Variants in CCNI observed in about 807,000 individuals in gnomAD.
CCNI encodes the protein cyclin I.
In CCNI, 14 loss-of-function variants were observed where a neutral mutation model predicts 34.1. That is an observed-to-expected ratio of 0.41 (90% CI 0.27 to 0.64). The LOEUF (loss-of-function observed/expected upper bound fraction) is 0.64, where lower values mean the gene tolerates loss of function less well. Ranked by LOEUF, CCNI falls within the 30% of genes least tolerant of loss-of-function variation. The pLI, the probability that CCNI is intolerant of heterozygous loss-of-function variation, is 0.31. For synonymous variants in CCNI, 154 were observed against 158.4 expected (o/e 0.97, Z 0.21); for missense variants, 385 against 440.5 (o/e 0.87, Z 1.13).
chr4:77,064,313 T>C (rs905978419), intron 2 of CCNI, among the ~76,000 whole-genome samples: 1 of 151,860 alleles, frequency 6.6e-6, no homozygotes, highest in African/African-American at 2.4e-5. Flanking sequence ...AGGTAGAATA[T>C]CACCTTCAAA....
At chr4:77,060,762 T>C (rs1419827678) in intron 2 of CCNI, among the ~76,000 whole-genome samples, 2 of 152,100 alleles carry the variant, frequency 1.3e-5, no homozygotes, top group Non-Finnish European at 2.9e-5. Flanking sequence ...GTAGCTGGGA[T>C]TACAGGCTTG....
intron 3 of CCNI, 50 bp from the exon 4 acceptor site, chr4:77,056,373 A>G (rs4252896): frequency 0.039 from 55,148 of 1,397,694 alleles, 3,781 homozygotes; most frequent in African/African-American, 0.3. Flanking sequence ...TTCAAAAACA[A>G]TTTAACTTTT....
At chr4:77,052,279 G>A (rs1007797367) in intron 6 of CCNI, among the ~76,000 whole-genome samples, 4 of 152,094 alleles carry the variant, frequency 2.6e-5, no homozygotes, top group Non-Finnish European at 5.9e-5. Context: ...CCATGTTGCT[G>A]CAAAGGACAT....
intron 1 of CCNI, among the ~76,000 whole-genome samples, chr4:77,067,773 G>A (rs567702983): frequency 4.8e-5 from 6 of 125,920 alleles, no homozygotes; most frequent in South Asian, 5.4e-4. Flanking sequence ...GTGAGCCACC[G>A]TGCAGGCTTC....
Position 77,062,203 on chromosome 4 carries a change from T to C in CCNI, c.115-3568A>G, listed in dbSNP as rs535658390. Among the ~76,000 whole-genome samples, 3 of 152,296 alleles carry C rather than the reference T, an allele frequency of 2.0e-5. No individual in the cohort carries two copies. In the South Asian group the frequency reaches 6.2e-4, roughly 32 times the overall value. ...CCCCGCCAGATACTTTTCCTGATAA[T>C]TCAAGTTGGGCTGAGTACCTTCCTA... On this transcript the variant is annotated intron_variant, in intron 2 of 6. Coordinates refer to ENST00000237654, the MANE Select transcript of CCNI (RefSeq NM_006835.3).
chr4:77,073,619 A>C (rs1560788189), intron 1 of CCNI, among the ~76,000 whole-genome samples: 1 of 152,308 alleles, frequency 6.6e-6, no homozygotes, highest in South Asian at 2.1e-4. Context: ...GCTCTTTCCC[A>C]ATCTCCCTGG....
intron 1 of CCNI, among the ~76,000 whole-genome samples, chr4:77,069,005 G>A (rs1175943498): frequency 2.0e-5 from 3 of 152,142 alleles, no homozygotes; most frequent in Admixed American, 2.0e-4. Flanking sequence ...GGGGTAAATA[G>A]AGAGGAAAAA....
At chr4:77,069,852 C>T (rs1377795240) in intron 1 of CCNI, among the ~76,000 whole-genome samples, 1 of 151,818 alleles carries the variant, frequency 6.6e-6, no homozygotes, top group African/African-American at 2.4e-5. Flanking sequence ...CTTTAACCTA[C>T]CAAAATCTAA....
At position 77,055,954 on chromosome 4, in the gene CCNI, A is replaced by G; in HGVS notation, c.459+8T>C. On this transcript the variant is annotated splice_region_variant and intron_variant, in intron 5 of 6. Coordinates refer to ENST00000237654, the MANE Select transcript of CCNI (RefSeq NM_006835.3). ...AATAAGAAACTAAAAGACTTCAGGT[A>G]TATTTACAATATGAAGAAAATCCAA... 6.2e-7 allele frequency: 1 copy of G among 1,602,916 alleles called. No homozygotes were observed. The highest frequency in any genetic ancestry group is 1.1e-5 in the South Asian group (1 of 89,082).
chr4:77,057,044 A>G (rs980122278), intron 3 of CCNI, among the ~76,000 whole-genome samples: 8 of 152,240 alleles, frequency 5.3e-5, no homozygotes, highest in Non-Finnish European at 5.9e-5. Flanking sequence ...TTAATAAATA[A>G]TATTCCCAAA....
In CCNI at chr4:77,056,331, TTTGAAG is replaced by T; in HGVS notation, c.244-14_244-9del. 1.9e-6 allele frequency: 3 copies of T among 1,606,236 alleles called. No homozygotes were observed. The African/African-American group carries it at 4.0e-5, about 21-fold the overall frequency. ...CAAGTATTTTGGATGAGCCTAAAAT[TTTGAAG>T]AGGGAAAAAGCAACTTTAGTGATTT... On this transcript the variant is annotated splice_polypyrimidine_tract_variant and intron_variant, in intron 3 of 6. Coordinates refer to ENST00000237654, the MANE Select transcript of CCNI (RefSeq NM_006835.3).
At chr4:77,072,713 A>G (rs1729581429) in intron 1 of CCNI, among the ~76,000 whole-genome samples, 1 of 151,940 alleles carries the variant, frequency 6.6e-6, no homozygotes, top group Admixed American at 6.6e-5. Flanking sequence ...CTGTACTGGA[A>G]GGAGACAAAT....
At chr4:77,057,010 A>C (rs1033216541) in intron 3 of CCNI, among the ~76,000 whole-genome samples, 1 of 152,222 alleles carries the variant, frequency 6.6e-6, no homozygotes, top group Non-Finnish European at 1.5e-5. Flanking sequence ...TATCCAGCAG[A>C]AAAAAAGCTT....
intron 2 of CCNI, among the ~76,000 whole-genome samples, chr4:77,060,031 A>G (rs1351229574): frequency 6.6e-6 from 1 of 152,158 alleles, no homozygotes; most frequent in East Asian, 1.9e-4. Flanking sequence ...GATGACTTAC[A>G]GTAGCTATGA....
Position 77,055,160 on chromosome 4 carries a change from T to G in CCNI, c.680A>C (p.Gln227Pro). 1.2e-6 allele frequency: 2 copies of G among 1,609,884 alleles called. No individual in the cohort carries two copies. Among genetic ancestry groups the G allele is most frequent in the Non-Finnish European group, 1.7e-6 (2 of 1,176,086 alleles). ...TAGACTGACACCTACCTGTGCTTTC[T>G]GAAGCAGTTCAATTGTAAGAGAAAG... is the stretch of plus-strand genomic sequence containing the variant. The part of the protein sequence containing the change: ...DWLSLTIELL[Q>P]KAQMDSSQLI... The change falls in exon 6 of 7, where the codon CAG becomes CCG. Residue 227 changes from glutamine to proline, a missense_variant. Physicochemically the swap from Gln to Pro is moderately conservative, Grantham distance 76 (BLOSUM62 -1). Coordinates refer to ENST00000237654, the MANE Select transcript of CCNI (RefSeq NM_006835.3).
chr4:77,055,308 A>G lies in CCNI; in HGVS notation c.532T>C (p.Leu178=). ...AGTAGTTGCTTGGTAAGGACTGCCA[A>G]ATGTTGAGATGGGCTCAATTTGGGC... ...SLPKLSPSQH[L]AVLTKQLLHC... Residue 178 remains leucine (L), a synonymous_variant, in exon 6 of 7, where the codon TTG becomes CTG. Transcript: ENST00000237654. The G allele has an allele frequency of 6.2e-7, 1 of 1,614,230 alleles. No individual in the cohort carries two copies. The highest frequency in any genetic ancestry group is 8.5e-7 in the Non-Finnish European group (1 of 1,180,030).
rs1418500244 is a variant in CCNI, at chr4:77,048,025, T to C, written c.*194A>G. On this transcript the variant is annotated 3_prime_UTR_variant, in exon 7 of 7. Transcript: ENST00000237654. Reference sequence around the variant, plus strand: ...CTTTTGGATTTCTTTTTTTTTTTTTTGGTCTTTATGTGCTTAAATAACGCT... The same window carrying C: ...CTTTTGGATTTCTTTTTTTTTTTTTCGGTCTTTATGTGCTTAAATAACGCT... 2.5e-6 allele frequency: 1 copy of C among 395,434 alleles called. No homozygotes were observed. Among genetic ancestry groups the C allele is most frequent in the African/African-American group, 2.1e-5 (1 of 48,632 alleles). 24.5% of individuals were successfully genotyped at this position (395,434 alleles called of 1,614,324 possible). A position where few individuals can be genotyped will look rare whatever the true frequency, so the allele number is the denominator to read the frequency against.
chr4:77,063,558 CGG>C (rs1728781550), intron 2 of CCNI, among the ~76,000 whole-genome samples: 1 of 151,468 alleles, frequency 6.6e-6, no homozygotes, highest in South Asian at 2.1e-4. Flanking sequence ...GGCGTTGTGG[CGG>C]GCGCCTGTAG....
At chr4:77,054,350 C>CT (rs1448479772) in intron 6 of CCNI, among the ~76,000 whole-genome samples, 1 of 152,056 alleles carries the variant, frequency 6.6e-6, no homozygotes, top group African/African-American at 2.4e-5. Flanking sequence ...ATCAGAATAA[C>CT]TACTGTTAAA....
Sources: gnomAD v4.1 joint callset for allele counts (sites outside exome capture counted in the v4.1 genomes callset) on GRCh38, gnomAD v4.1.1 for gene constraint, MANE v1.5 for transcripts, NCBI Gene and HGNC (gene_info 2026-07-23, HGNC 2026-07-21) for gene names.